The following GRAP2 variants were observed in gnomAD, a reference collection of about 807,000 sequenced individuals.
GRAP2 encodes the protein GRB2 related adaptor protein 2.
Under a neutral mutation model 43.5 loss-of-function variants are expected in GRAP2, and 31 were observed. The observed-to-expected ratio is 0.71, with a 90% CI of 0.54 to 0.96. GRAP2 has a LOEUF of 0.96. Among genes scored for constraint, GRAP2 ranks in the 40% least tolerant of loss-of-function variants. GRAP2 has a pLI of 0.00. For missense variants in GRAP2, 371 were observed against 424.4 expected (o/e 0.87, Z 1.11); for synonymous variants, 156 against 164.8 (o/e 0.95, Z 0.41).
chr22:39,962,242 G>C (rs1414389063), intron 4 of GRAP2, among the ~76,000 whole-genome samples: 1 of 152,150 alleles, frequency 6.6e-6, no homozygotes, highest in Non-Finnish European at 1.5e-5. Flanking sequence ...GGGGCAACTA[G>C]TGAGACCTCA....
At chr22:39,941,819 A>G (rs780337644) in intron 1 of GRAP2, among the ~76,000 whole-genome samples, 6 of 151,686 alleles carry the variant, frequency 4.0e-5, no homozygotes, top group Non-Finnish European at 7.4e-5. Context: ...ACAATTCCAC[A>G]TCTGTACTCC....
intron 4 of GRAP2, among the ~76,000 whole-genome samples, chr22:39,961,579 G>T (rs1193530142): frequency 6.6e-6 from 1 of 152,194 alleles, no homozygotes; most frequent in Non-Finnish European, 1.5e-5. Context: ...CCCATAGGAA[G>T]TGACTCAGTC....
At chr22:39,953,612 C>T (rs1268046526) in intron 2 of GRAP2, among the ~76,000 whole-genome samples, 2 of 152,122 alleles carry the variant, frequency 1.3e-5, no homozygotes, top group East Asian at 1.9e-4. Context: ...GTCGCTCTCT[C>T]GCTCTCTCTT....
intron 1 of GRAP2, among the ~76,000 whole-genome samples, chr22:39,911,818 G>A (rs2066569400): frequency 6.6e-6 from 1 of 152,150 alleles, no homozygotes; most frequent in South Asian, 2.1e-4. Flanking sequence ...CAGCAGCAAC[G>A]GCACCGCCGG....
chr22:39,973,026 G>C lies in GRAP2; in HGVS notation c.*1942G>C, dbSNP rs1240712662. 6.5e-6 allele frequency: 1 copy of C among 153,218 alleles called. No homozygotes were observed. The highest frequency in any genetic ancestry group is 2.1e-4 in the South Asian group (1 of 4,834). 9.5% of individuals were successfully genotyped at this position (153,218 alleles called of 1,614,324 possible). On this transcript the variant is annotated 3_prime_UTR_variant, in exon 8 of 8. Transcript: ENST00000344138. ...GAAGAATCAGAGCAGAGAAACCGCTGCTGCGGAAGGCAGGGAGCAAAGAAG... is the reference window on the plus strand; with the variant it reads ...GAAGAATCAGAGCAGAGAAACCGCTCCTGCGGAAGGCAGGGAGCAAAGAAG...
rs751659617 is a variant in GRAP2 at position 39,971,294 on chromosome 22, T to C, written c.*210T>C. ...TCAGGTGGAGAATAATATTGACACT[T>C]GCTTTTCTGCCCCCCTCAGGGGTGT... On this transcript the variant is annotated 3_prime_UTR_variant, in exon 8 of 8. Transcript: ENST00000344138. 1.9e-6 allele frequency: 1 copy of C among 530,940 alleles called. No individual in the cohort carries two copies. The highest frequency in any genetic ancestry group is 3.3e-6 in the Non-Finnish European group (1 of 307,230). The allele number at this position is 530,940 out of a possible 1,614,324, so 32.9% of individuals were successfully genotyped here. A position where few individuals can be genotyped will look rare whatever the true frequency, so the allele number is the denominator to read the frequency against.
chr22:39,968,201 T>C lies in GRAP2; in HGVS notation c.619T>C (p.Tyr207His). The C allele has an allele frequency of 6.2e-7, 1 of 1,609,086 alleles. No homozygotes were observed. Among genetic ancestry groups the C allele is most frequent in the East Asian group, 2.2e-5 (1 of 44,790 alleles). ...CCAGCACCAGCCACAGCCTCCGCAA[T>C]ATGCCCCAGCGCCCCAGCAGCTGCA... ...QHQHQPQPPQ[Y>H]APAPQQLQQP... The change falls in exon 6 of 8, where the codon TAT (tyrosine) becomes CAT (histidine). Residue 207 changes from tyrosine (Y) to histidine (H), a missense_variant. Tyr to His is a moderately conservative substitution (Grantham distance 83). Coordinates refer to ENST00000344138, the MANE Select transcript of GRAP2 (RefSeq NM_004810.4).
At chr22:39,926,287 G>T (rs1569197990) in intron 1 of GRAP2, among the ~76,000 whole-genome samples, 1 of 152,054 alleles carries the variant, frequency 6.6e-6, no homozygotes, top group East Asian at 1.9e-4. Context: ...ACATCAAAAT[G>T]AGCCTATCCT....
rs79695803 is a variant in GRAP2, at chr22:39,912,035, T to C, written c.-15+10705T>C. 1.2e-3 allele frequency among the ~76,000 whole-genome samples: 182 copies of C among 152,358 alleles called. 1 individual carries two copies. The highest frequency in any genetic ancestry group is 4.2e-3 in the African/African-American group (176 of 41,574). On this transcript the variant is annotated intron_variant, in intron 1 of 7. Transcript: ENST00000344138. ...TTACAAACTTCCATTTGGTGTTTAT[T>C]AAAAGGTTAGAGTCCTTAGTTAAAA... is the stretch of plus-strand genomic sequence containing the variant.
At position 39,962,612 on chromosome 22, in the gene GRAP2, G is replaced by A. The variant is rs930534223; in HGVS notation, c.290+2438G>A. ...GGGGTATCTCTTGGGCCTTTGGTTTGCATGAAGATGACTCTGGCTTTTTCA... is the reference window on the plus strand; with the variant it reads ...GGGGTATCTCTTGGGCCTTTGGTTTACATGAAGATGACTCTGGCTTTTTCA... On this transcript the variant is annotated intron_variant, in intron 4 of 7. Transcript: ENST00000344138. Among the ~76,000 whole-genome samples, 15 of 152,136 alleles carry A rather than the reference G, an allele frequency of 9.9e-5. No homozygotes were observed. In the East Asian group the frequency reaches 1.3e-3, roughly 14 times the overall value.
chr22:39,969,219 C>T lies in GRAP2; in HGVS notation c.691-192C>T, dbSNP rs185528768. ...ACTGAATAAATAAAACCTGCCTTTG[C>T]CTTCTTTGCCTTCAGAATCTAAGGT... is the stretch of plus-strand genomic sequence containing the variant. On this transcript the variant is annotated intron_variant, in intron 6 of 7. Coordinates refer to ENST00000344138, the MANE Select transcript of GRAP2 (RefSeq NM_004810.4). 2.7e-3 allele frequency among the ~76,000 whole-genome samples: 404 copies of T among 152,288 alleles called. 1 individual carries two copies. The highest frequency in any genetic ancestry group is 4.1e-3 in the Non-Finnish European group (278 of 68,024).
chr22:39,893,879 A>AG, the GRAP2 span: 1 of 152,156 alleles, frequency 6.6e-6, no homozygotes, highest in African/African-American at 2.4e-5. Flanking sequence ...GAGGGTACCA[A>AG]GGGGAATGAA....
At chr22:39,958,737 C>T (rs1016906509) in intron 3 of GRAP2, among the ~76,000 whole-genome samples, 4 of 152,192 alleles carry the variant, frequency 2.6e-5, no homozygotes, top group Admixed American at 1.3e-4. Flanking sequence ...GATATGGCTG[C>T]TGTGGTGCAT....
At chr22:39,905,486 T>C (rs1483536821) in intron 1 of GRAP2, among the ~76,000 whole-genome samples, 2 of 152,152 alleles carry the variant, frequency 1.3e-5, no homozygotes, top group Non-Finnish European at 2.9e-5. Flanking sequence ...GAGTTATTCT[T>C]TTTGTGCTTC....
At chr22:39,940,874 A>G (rs1006927697) in intron 1 of GRAP2, among the ~76,000 whole-genome samples, 3 of 152,212 alleles carry the variant, frequency 2.0e-5, no homozygotes, top group Non-Finnish European at 4.4e-5. Context: ...GAGACAATGA[A>G]GACAATCACC....
At chr22:39,894,242 T>C in the GRAP2 span, among the ~76,000 whole-genome samples, 1 of 152,050 alleles carries the variant, frequency 6.6e-6, no homozygotes, top group Non-Finnish European at 1.5e-5. Context: ...TCTCTTTTTT[T>C]TTATTTATTA....
intron 1 of GRAP2, among the ~76,000 whole-genome samples, chr22:39,946,059 C>T (rs1191864156): frequency 1.3e-5 from 2 of 152,164 alleles, no homozygotes; most frequent in Non-Finnish European, 2.9e-5. Context: ...CAGGGTTTTG[C>T]CATGTTGGCC....
At chr22:39,958,974 C>T (rs2067087169) in intron 3 of GRAP2, among the ~76,000 whole-genome samples, 1 of 152,236 alleles carries the variant, frequency 6.6e-6, no homozygotes, top group Non-Finnish European at 1.5e-5. Flanking sequence ...ACCTATGTCT[C>T]AGTTTCCCAA....
At chr22:39,932,070 C>G (rs915669326) in intron 1 of GRAP2, among the ~76,000 whole-genome samples, 4 of 152,120 alleles carry the variant, frequency 2.6e-5, no homozygotes, top group African/African-American at 9.7e-5. Context: ...AAAGGCTAGC[C>G]CACTCCCCGG....
Sources: gnomAD v4.1 joint callset for allele counts (sites outside exome capture counted in the v4.1 genomes callset) on GRCh38, gnomAD v4.1.1 for gene constraint, MANE v1.5 for transcripts, NCBI Gene and HGNC (gene_info 2026-07-23, HGNC 2026-07-21) for gene names.